CEACAM1: variants seen among roughly 807,000 people sequenced by gnomAD.
CEACAM1 encodes CEA cell adhesion molecule 1, also known as cell adhesion molecule CEACAM1.
In CEACAM1, 31 loss-of-function variants were observed where a neutral mutation model predicts 49.1. The ratio of observed to expected loss-of-function variants is 0.63; its 90% CI spans 0.47 to 0.85. CEACAM1 has a LOEUF of 0.85. Among genes scored for constraint, CEACAM1 ranks in the 40% least tolerant of loss-of-function variants. CEACAM1 has a pLI of 0.00. For synonymous variants in CEACAM1, 244 were observed against 247.8 expected, an observed-to-expected ratio of 0.98 and a Z score of 0.14; for missense variants, 570 against 645.3, an observed-to-expected ratio of 0.88 and a Z score of 1.26.
Position 42,528,360 on chromosome 19 carries a change from T to G in CEACAM1, c.15A>C (p.Ser5=), listed in dbSNP as rs761211366. 6.2e-7 allele frequency: 1 copy of G among 1,613,990 alleles called. No individual in the cohort carries two copies. Among genetic ancestry groups the G allele is most frequent in the Non-Finnish European group, 8.5e-7 (1 of 1,179,920 alleles). ...GTACACGCACTCTGTGAAGTGGGGC[T>G]GAGAGGTGCCCCATGGTGTCTCCTG... The part of the protein sequence containing the change: MGHL[S]APLHRVRVPW... The change falls in exon 1 of 9, where the codon TCA becomes TCC. Residue 5 remains serine, a synonymous_variant. Coordinates refer to ENST00000161559, the MANE Select transcript of CEACAM1 (RefSeq NM_001712.5).
intron 5 of CEACAM1, among the ~76,000 whole-genome samples, chr19:42,513,906 A>G (rs2041527357): frequency 7.5e-6 from 1 of 132,452 alleles, no homozygotes; most frequent in Non-Finnish European, 1.5e-5. Flanking sequence ...ATATATATAT[A>G]TATATATATA....
Position 42,508,077 on chromosome 19 carries a change from CG to C in CEACAM1, c.*1031del, listed in dbSNP as rs759270789. On this transcript the variant is annotated 3_prime_UTR_variant, in exon 9 of 9. Coordinates refer to ENST00000161559, the MANE Select transcript of CEACAM1 (RefSeq NM_001712.5). The stretch of plus-strand genomic sequence containing the variant: ...CCTGACCAAGGGACCTGAGGGATTT[CG>C]GTGGTTTCTTTCACCTAAGGCAATC... 3 of 152,142 alleles carry C rather than the reference CG, an allele frequency of 2.0e-5. No homozygotes were observed. Among genetic ancestry groups the C allele is most frequent in the Non-Finnish European group, 2.9e-5 (2 of 68,028 alleles). The allele number at this position is 152,142 out of a possible 1,614,324, so 9.4% of individuals were successfully genotyped here.
At chr19:42,509,632 GT>G (rs775431561) in intron 8 of CEACAM1, among the ~76,000 whole-genome samples, 24 of 145,294 alleles carry the variant, frequency 1.7e-4, no homozygotes, top group East Asian at 2.0e-4. Context: ...GACTGGTAGA[GT>G]TTTTTTTTTT....
rs2041459216 is a variant in CEACAM1, at chr19:42,511,628, C to T, written c.1377G>A (p.Arg459=). The change falls in exon 7 of 9, where the codon AGG becomes AGA. Residue 459 remains arginine (R), a splice_region_variant and synonymous_variant. Coordinates refer to ENST00000161559, the MANE Select transcript of CEACAM1 (RefSeq NM_001712.5). ...ACFLHFGKTG[R]ASDQRDLTEH... ...CTGTGAGATCACGCTGGTCGCTTGC[C>T]CTAAATAAATATCAGAAACTGTGAC... The T allele has an allele frequency of 2.5e-6, 4 of 1,613,698 alleles. No individual in the cohort carries two copies. Among genetic ancestry groups the T allele is most frequent in the African/African-American group, 1.3e-5 (1 of 74,876 alleles).
rs1023022407 is a variant in CEACAM1, at chr19:42,507,803, G to C, written c.*1306C>G. ...GCTGTAAACAATGCCACCAGCATGA[G>C]TGATAGTGTCCCTGTAGGGTGCTCC... is the stretch of plus-strand genomic sequence containing the variant. On this transcript the variant is annotated 3_prime_UTR_variant, in exon 9 of 9. Coordinates refer to ENST00000161559, the MANE Select transcript of CEACAM1 (RefSeq NM_001712.5). The C allele has an allele frequency of 1.3e-5, 2 of 152,250 alleles. No individual in the cohort carries two copies. Among genetic ancestry groups the C allele is most frequent in the East Asian group, 1.9e-4 (1 of 5,202 alleles). The allele number at this position is 152,250 out of a possible 1,614,324, so 9.4% of individuals were successfully genotyped here.
chr19:42,518,983 T>TTACTGATTGGG lies in CEACAM1; in HGVS notation c.1200_1210dup (p.Lys404ThrfsTer13). On this transcript the variant is annotated frameshift_variant, in exon 5 of 9. Transcript: ENST00000161559. LOFTEE classifies it high-confidence loss of function. ...CAGCATGATGGGGTCGCTTTGGTTC[T>TTACTGATTGGG]TACTGATTGGGTTGAAGACCTCACA... 1 of 1,614,176 alleles carries TTACTGATTGGG rather than the reference T, an allele frequency of 6.2e-7. No homozygotes were observed. Among genetic ancestry groups the TTACTGATTGGG allele is most frequent in the East Asian group, 2.2e-5 (1 of 44,874 alleles).
chr19:42,524,630 C>G (rs1197887875), intron 2 of CEACAM1, among the ~76,000 whole-genome samples: 3 of 152,158 alleles, frequency 2.0e-5, no homozygotes, highest in Non-Finnish European at 2.9e-5. Context: ...GGGAACAGGA[C>G]AGTCAACCTT....
At chr19:42,522,667 T>C (rs2041787375) in intron 2 of CEACAM1, among the ~76,000 whole-genome samples, 1 of 152,016 alleles carries the variant, frequency 6.6e-6, no homozygotes, top group African/African-American at 2.4e-5. Context: ...GTTCAAGCGA[T>C]TCTCCTGCCT....
intron 5 of CEACAM1, among the ~76,000 whole-genome samples, chr19:42,517,762 A>C (rs1405225346): frequency 2.0e-5 from 3 of 152,246 alleles, no homozygotes; most frequent in Non-Finnish European, 4.4e-5. Context: ...CCACTGTGGA[A>C]AATGGTATGA....
chr19:42,518,706 T>C (rs1600226854), intron 5 of CEACAM1: 1 of 494,796 alleles, frequency 2.0e-6, no homozygotes, highest in Non-Finnish European at 3.6e-6. Context: ...TTCACCATAT[T>C]AGCCAGGATG....
At position 42,509,137 on chromosome 19, in the gene CEACAM1, A is replaced by T; in HGVS notation, c.1553T>A (p.Ile518Lys). The change falls in exon 9 of 9, where the codon ATA becomes AAA. Residue 518 changes from isoleucine to lysine, a missense_variant. By Grantham distance (102) the Ile-to-Lys change is moderately radical. Coordinates refer to ENST00000161559, the MANE Select transcript of CEACAM1 (RefSeq NM_001712.5). ...SASPSLTATE[I>K]IYSEVKKQ ...CTGCTTTTTTACTTCTGAATAAATT[A>T]TTTCTGTGGCTGTTAGGGATGGGGA... 1 of 1,614,146 alleles carries T rather than the reference A, an allele frequency of 6.2e-7. No homozygotes were observed. Among genetic ancestry groups the T allele is most frequent in the South Asian group, 1.1e-5 (1 of 91,082 alleles).
At chr19:42,521,118 A>T in intron 4 of CEACAM1, 149 bp downstream of exon 4, 1 of 823,180 alleles carries the variant, frequency 1.2e-6, no homozygotes, top group Non-Finnish European at 2.0e-6. Context: ...GAGTCTGCAC[A>T]GATGAATTGA....
rs760040548 is a variant in CEACAM1, at chr19:42,521,240, A to C, written c.958+27T>G. The C allele has an allele frequency of 6.2e-6, 10 of 1,610,290 alleles. 1 individual carries two copies. The South Asian group carries it at 1.1e-4, about 18-fold the overall frequency. ...CCAGAAAGCTTGTACCCCAGATCTT[A>C]GTGTTGATGCTCCAGGAATTACTTA... On this transcript the variant is annotated intron_variant, in intron 4 of 8. Transcript: ENST00000161559.
At chr19:42,511,682 C>T (rs2041460495) in intron 6 of CEACAM1, 54 bp from the exon 7 acceptor site, 2 of 1,567,476 alleles carry the variant, frequency 1.3e-6, no homozygotes, top group African/African-American at 2.7e-5. Context: ...GATCTTTGTT[C>T]CGTAAGTTAG....
At position 42,522,115 on chromosome 19, in the gene CEACAM1, G is replaced by A. The variant is rs1285621192; in HGVS notation, c.512C>T (p.Thr171Ile). 6.2e-7 allele frequency: 1 copy of A among 1,614,204 alleles called. No homozygotes were observed. The highest frequency in any genetic ancestry group is 1.1e-5 in the South Asian group (1 of 91,072). The change falls in exon 3 of 9, where the codon ACT becomes ATT. Residue 171 changes from threonine (T) to isoleucine (I), a missense_variant. Coordinates refer to ENST00000161559, the MANE Select transcript of CEACAM1 (RefSeq NM_001712.5). ...DAVAFTCEPETQDTTYLWWIN... is the reference protein window; with the variant it reads ...DAVAFTCEPEIQDTTYLWWIN... The stretch of plus-strand genomic sequence containing the variant: ...CCACCACAGGTAGGTTGTGTCCTGA[G>A]TCTCAGGTTCACAGGTGAAGGCCAC...
At chr19:42,522,439 G>A (rs541841222) in intron 2 of CEACAM1, among the ~76,000 whole-genome samples, 2 of 146,582 alleles carry the variant, frequency 1.4e-5, no homozygotes, top group South Asian at 2.2e-4. Context: ...CATGCCTGAC[G>A]GGGTTTCACC....
intron 5 of CEACAM1, among the ~76,000 whole-genome samples, chr19:42,514,830 T>C (rs1326697047): frequency 6.6e-6 from 1 of 152,166 alleles, no homozygotes; most frequent in African/African-American, 2.4e-5. Flanking sequence ...AGATGGCTAG[T>C]GAGAGGTGGA....
chr19:42,519,723 CCAT>C, intron 4 of CEACAM1, among the ~76,000 whole-genome samples: 1 of 152,144 alleles, frequency 6.6e-6, no homozygotes, highest in Admixed American at 6.5e-5. Context: ...GCATGTGCCA[CCAT>C]GCCCAGCTAA....
At chr19:42,516,823 A>G (rs775786319) in intron 5 of CEACAM1, 4 of 398,500 alleles carry the variant, frequency 1.0e-5, no homozygotes, top group South Asian at 7.1e-5. Context: ...GCTTGAGCTC[A>G]GGAGTTTGAG....
Sources: gnomAD v4.1 joint callset for allele counts (sites outside exome capture counted in the v4.1 genomes callset) on GRCh38, gnomAD v4.1.1 for gene constraint, MANE v1.5 for transcripts, NCBI Gene and HGNC (gene_info 2026-07-23, HGNC 2026-07-21) for gene names.